RBMS3: variants seen among roughly 807,000 people sequenced by gnomAD.
The protein encoded by RBMS3 is RNA-binding motif, single-stranded-interacting protein 3.
Under a neutral mutation model 66.8 loss-of-function variants are expected in RBMS3, and 27 were observed. The ratio of observed to expected loss-of-function variants is 0.40; its 90% CI spans 0.30 to 0.56. The LOEUF is 0.56. RBMS3 is among the 20% of genes least tolerant of loss of function. RBMS3 has a pLI of 0.40. For synonymous variants in RBMS3, 188 were observed against 183.0 expected, an observed-to-expected ratio of 1.03 and a Z score of -0.22; for missense variants, 513 against 549.5, an observed-to-expected ratio of 0.93 and a Z score of 0.66.
At chr3:29,388,616 A>C (rs571151387) in intron 1 of RBMS3, among the ~76,000 whole-genome samples, 3 of 152,150 alleles carry the variant, frequency 2.0e-5, no homozygotes, top group Admixed American at 2.0e-4. Flanking sequence ...GCTCTGTCGC[A>C]CAGGCTGGAG....
At chr3:29,998,294 T>C (rs1194906206) in intron 14 of RBMS3, among the ~76,000 whole-genome samples, 1 of 152,212 alleles carries the variant, frequency 6.6e-6, no homozygotes, top group Non-Finnish European at 1.5e-5. Flanking sequence ...GAACATTCCA[T>C]GCTCATGGGT....
intron 4 of RBMS3, among the ~76,000 whole-genome samples, chr3:29,727,038 A>G (rs1040732622): frequency 4.6e-5 from 7 of 152,172 alleles, no homozygotes; most frequent in African/African-American, 1.4e-4. Context: ...GTGGAACAGA[A>G]CAGAGGCCTC....
intron 4 of RBMS3, among the ~76,000 whole-genome samples, chr3:29,719,192 C>G (rs1251937175): frequency 6.6e-6 from 1 of 152,096 alleles, no homozygotes. Flanking sequence ...GCTTTGAGTT[C>G]ATGGTTCTAA....
At chr3:29,369,453 G>A (rs2038075352) in intron 1 of RBMS3, among the ~76,000 whole-genome samples, 1 of 149,310 alleles carries the variant, frequency 6.7e-6, no homozygotes, top group African/African-American at 2.5e-5. Flanking sequence ...TTAAGCCAGT[G>A]TCCCCACCTC....
intron 4 of RBMS3, among the ~76,000 whole-genome samples, chr3:29,637,985 A>G (rs1395900776): frequency 4.6e-5 from 7 of 151,896 alleles, no homozygotes; most frequent in Non-Finnish European, 1.0e-4. Context: ...TCTCCTTTGA[A>G]CATCCATCCA....
intron 3 of RBMS3, among the ~76,000 whole-genome samples, chr3:29,498,012 G>GTTTTTTTT (rs1457527325): frequency 1.2e-5 from 1 of 83,686 alleles, no homozygotes; most frequent in African/African-American, 4.7e-5. Context: ...TTTTTTTTTG[G>GTTTTTTTT]GAGACAGAGT....
intron 10 of RBMS3, chr3:29,933,761 A>G (rs1207245583): frequency 1.3e-5 from 2 of 152,116 alleles, no homozygotes; most frequent in Non-Finnish European, 2.9e-5. Context: ...TGCTATTTAC[A>G]ATTCCAATTA....
chr3:29,427,335 T>C (rs757200199), intron 1 of RBMS3, among the ~76,000 whole-genome samples: 50 of 152,248 alleles, frequency 3.3e-4, no homozygotes, highest in Non-Finnish European at 6.3e-4. Context: ...TTGCCTTAGA[T>C]ATTAATTTAG....
chr3:29,295,296 C>CATATATATCTATATATATACATATAT (rs2033160289), intron 1 of RBMS3, among the ~76,000 whole-genome samples: 1 of 4,438 alleles, frequency 2.3e-4, no homozygotes, highest in African/African-American at 5.9e-4. Flanking sequence ...TATATATATA[C>CATATATATCTATATATATACATATAT]ATATATATCT....
chr3:29,943,767 G>A (rs879130110), intron 11 of RBMS3, among the ~76,000 whole-genome samples: 9 of 151,708 alleles, frequency 5.9e-5, no homozygotes, highest in Admixed American at 5.3e-4. Flanking sequence ...CATAGAATAT[G>A]AGAATGTACA....
chr3:29,332,010 C>T (rs1303205980), intron 1 of RBMS3, among the ~76,000 whole-genome samples: 1 of 151,976 alleles, frequency 6.6e-6, no homozygotes. Flanking sequence ...TGACAAGCAA[C>T]TCACATGGTG....
At chr3:29,758,800 A>G (rs909721769) in intron 5 of RBMS3, among the ~76,000 whole-genome samples, 1 of 152,190 alleles carries the variant, frequency 6.6e-6, no homozygotes, top group East Asian at 1.9e-4. Flanking sequence ...AGTACTTTAA[A>G]AAATAGTTTA....
intron 6 of RBMS3, among the ~76,000 whole-genome samples, chr3:29,858,561 C>T (rs2059136418): frequency 6.6e-6 from 1 of 152,198 alleles, no homozygotes; most frequent in Non-Finnish European, 1.5e-5. Flanking sequence ...CTTGGAAGTG[C>T]TGGTACTTTC....
chr3:29,993,599 G>C (rs571736167), intron 14 of RBMS3, among the ~76,000 whole-genome samples: 2 of 152,268 alleles, frequency 1.3e-5, no homozygotes, highest in South Asian at 4.1e-4. Flanking sequence ...CCCCTGAATA[G>C]AGCAAAAAGA....
intron 4 of RBMS3, among the ~76,000 whole-genome samples, chr3:29,696,481 G>A (rs929380804): frequency 1.7e-4 from 26 of 152,150 alleles, no homozygotes; most frequent in Admixed American, 1.7e-3. Context: ...ATTTGTTGAT[G>A]AAAGGCCCTT....
chr3:29,391,947 G>T (rs952498831), intron 1 of RBMS3, among the ~76,000 whole-genome samples: 1 of 152,086 alleles, frequency 6.6e-6, no homozygotes, highest in African/African-American at 2.4e-5. Flanking sequence ...GATAAATAAA[G>T]TTAAATTAAG....
At chr3:29,535,781 A>G (rs1019412381) in intron 3 of RBMS3, among the ~76,000 whole-genome samples, 4 of 117,526 alleles carry the variant, frequency 3.4e-5, no homozygotes, top group African/African-American at 1.3e-4. Context: ...ATCAAGAGGT[A>G]TTCAGGATGG....
chr3:29,857,372 C>T (rs1016663304), intron 6 of RBMS3, among the ~76,000 whole-genome samples: 1 of 151,564 alleles, frequency 6.6e-6, no homozygotes, highest in African/African-American at 2.4e-5. Context: ...TATCTACCCC[C>T]ACCCCCACCC....
intron 1 of RBMS3, among the ~76,000 whole-genome samples, chr3:29,363,316 C>T (rs763660779): frequency 6.6e-6 from 1 of 152,080 alleles, no homozygotes; most frequent in Non-Finnish European, 1.5e-5. Context: ...TGACTCAGTG[C>T]CTTTACTACA....
Sources: allele counts gnomAD v4.1 joint callset (sites outside exome capture counted in the v4.1 genomes callset), GRCh38; gene constraint gnomAD v4.1.1; transcripts MANE v1.5; gene names NCBI Gene and HGNC (gene_info 2026-07-23, HGNC 2026-07-21).